Variants in TULP4 observed in about 807,000 individuals in gnomAD.
TULP4 encodes tubby-related protein 4.
In TULP4, 16 loss-of-function variants were observed where a neutral mutation model predicts 129.0. That is an observed-to-expected ratio of 0.12 (90% CI 0.08 to 0.19). The LOEUF (loss-of-function observed/expected upper bound fraction) is 0.19, where lower values mean the gene tolerates loss of function less well. Among genes scored for constraint, TULP4 ranks in the 10% least tolerant of loss-of-function variants. TULP4 has a pLI of 1.00. For missense variants in TULP4, 1,842 were observed against 2,059.1 expected (o/e 0.89, Z 2.04); for synonymous variants, 998 against 854.0 (o/e 1.17, Z -2.94).
chr6:158,327,352 TCAG>T (rs936135413), intron 1 of TULP4, among the ~76,000 whole-genome samples: 4 of 152,220 alleles, frequency 2.6e-5, no homozygotes, highest in African/African-American at 9.6e-5. Context: ...ACGATGCTCT[TCAG>T]TTCCAGGGCT....
At chr6:158,442,799 T>A (rs1371029510) in intron 3 of TULP4, among the ~76,000 whole-genome samples, 1 of 147,064 alleles carries the variant, frequency 6.8e-6, no homozygotes, top group African/African-American at 2.5e-5. Context: ...CTGGAGATAC[T>A]CCAATTAAAT....
chr6:158,331,369 A>G (rs1779874262), intron 1 of TULP4, among the ~76,000 whole-genome samples: 1 of 151,866 alleles, frequency 6.6e-6, no homozygotes, highest in Non-Finnish European at 1.5e-5. Context: ...TTTTTTCTTC[A>G]ATGATTATTT....
chr6:158,380,470 G>T (rs1052823799), intron 1 of TULP4, among the ~76,000 whole-genome samples: 1 of 152,212 alleles, frequency 6.6e-6, no homozygotes, highest in Non-Finnish European at 1.5e-5. Flanking sequence ...GGTTTTGTGT[G>T]TACTGAAGGG....
At chr6:158,268,028 CT>C (rs1369900655) in intron 1 of TULP4, among the ~76,000 whole-genome samples, 45 of 113,832 alleles carry the variant, frequency 4.0e-4, no homozygotes, top group Non-Finnish European at 6.8e-4. Context: ...TTTTCTTTTT[CT>C]TTTTTCTTTT....
intron 13 of TULP4, among the ~76,000 whole-genome samples, chr6:158,504,758 T>C (rs1375661684): frequency 6.6e-6 from 1 of 152,038 alleles, no homozygotes; most frequent in Non-Finnish European, 1.5e-5. Flanking sequence ...TCTCAAGATG[T>C]TGGGATTACA....
rs1301416975 is a variant in TULP4 at position 158,503,356 on chromosome 6, C to T, written c.3693C>T (p.Tyr1231=). Residue 1231 remains tyrosine, a synonymous_variant, in exon 13 of 14, where the codon TAC becomes TAT. Transcript: ENST00000367097. The surrounding 1 kb of genome is among the most constrained non-coding windows in gnomAD (Gnocchi z 4.3). ...QEPAVVLQPL[Y]PPSLSYCTLP... Reference sequence around the variant, plus strand: ...CTGCTGTGGTCCTTCAGCCGCTGTACCCACCCAGCCTCTCCTATTGCACCC... The same window carrying T: ...CTGCTGTGGTCCTTCAGCCGCTGTATCCACCCAGCCTCTCCTATTGCACCC... The T allele has an allele frequency of 6.2e-7, 1 of 1,613,728 alleles. No homozygotes were observed. The highest frequency in any genetic ancestry group is 1.1e-5 in the South Asian group (1 of 91,066).
In TULP4 at chr6:158,503,099, A is replaced by G. The variant is rs1780505948; in HGVS notation, c.3436A>G (p.Asn1146Asp). 2 of 1,612,868 alleles carry G rather than the reference A, an allele frequency of 1.2e-6. No individual in the cohort carries two copies. Among genetic ancestry groups the G allele is most frequent in the Non-Finnish European group, 1.7e-6 (2 of 1,178,984 alleles). ...QERTAQTSGP[N>D]PLKLSSLMLS... ...AAGGACAGCACAGACTTCAGGGCCC[A>G]ACCCCTTAAAACTGTCCTCTCTGAT... The change falls in exon 13 of 14, where the codon AAC becomes GAC. Residue 1146 changes from asparagine (N) to aspartate (D), a missense_variant. Physicochemically the swap from Asn to Asp is conservative, Grantham distance 23. This residue lies in a region of TULP4 where 1,089 missense variants were observed against 987.1 expected (regional missense o/e 1.10). Coordinates refer to ENST00000367097, the MANE Select transcript of TULP4 (RefSeq NM_020245.5). The surrounding 1 kb of genome is among the most constrained non-coding windows in gnomAD (Gnocchi z 4.3).
In TULP4 at chr6:158,493,761, G is replaced by C; in HGVS notation, c.1776+44G>C. ...CCTGCCTTGCTCCCCTCCTCCTGGG[G>C]GCTATGCCCAGAGGGCCCCTTCCTA... On this transcript the variant is annotated intron_variant, in intron 10 of 13. Coordinates refer to ENST00000367097, the MANE Select transcript of TULP4 (RefSeq NM_020245.5). This position sits in a 1 kb window ranked among gnomAD's most constrained non-coding sequence, Gnocchi z 4.4. 3 of 1,490,220 alleles carry C rather than the reference G, an allele frequency of 2.0e-6. No individual in the cohort carries two copies. The highest frequency in any genetic ancestry group is 2.7e-6 in the Non-Finnish European group (3 of 1,118,306). 92.3% of individuals were successfully genotyped at this position (1,490,220 alleles called of 1,614,324 possible).
At chr6:158,315,959 G>A (rs1469435043) in intron 1 of TULP4, among the ~76,000 whole-genome samples, 1 of 152,234 alleles carries the variant, frequency 6.6e-6, no homozygotes, top group Admixed American at 6.5e-5. Context: ...ATTTTGTGGG[G>A]ATGGAAACAT....
At chr6:158,277,833 A>G (rs533659633), upstream of TULP4, among the ~76,000 whole-genome samples, 66 of 152,328 alleles carry the variant, frequency 4.3e-4, no homozygotes, top group African/African-American at 1.4e-3. Context: ...AGTCCCAGGT[A>G]CCAGAGATAT....
Position 158,462,435 on chromosome 6 carries a change from G to A in TULP4, c.1026+706G>A, listed in dbSNP as rs939907569. 8.7e-5 allele frequency among the ~76,000 whole-genome samples: 13 copies of A among 148,694 alleles called. No individual in the cohort carries two copies. The South Asian group carries it at 1.3e-3, about 15-fold the overall frequency. ...CTCACCCAGGCTGGAGTGCCGTAGC[G>A]CATTCTTGGCTCACTGCAAGCTCTG... On this transcript the variant is annotated intron_variant, in intron 6 of 13. Transcript: ENST00000367097.
chr6:158,292,152 G>A (rs1778953715), intron 1 of TULP4, among the ~76,000 whole-genome samples: 1 of 152,198 alleles, frequency 6.6e-6, no homozygotes, highest in Non-Finnish European at 1.5e-5. Flanking sequence ...AGAATTGTGG[G>A]ACACTTTAGC....
chr6:158,424,197 C>T (rs1778421964), intron 2 of TULP4, among the ~76,000 whole-genome samples: 1 of 152,126 alleles, frequency 6.6e-6, no homozygotes, highest in East Asian at 1.9e-4. Context: ...CATGGAAGCA[C>T]ACGTATATGA....
intron 11 of TULP4, among the ~76,000 whole-genome samples, chr6:158,495,072 C>CT (rs963981700): frequency 3.3e-5 from 5 of 150,300 alleles, no homozygotes; most frequent in African/African-American, 7.3e-5. Flanking sequence ...AATCTTTTAA[C>CT]TTTTTTTTTG....
At chr6:158,360,774 C>G (rs1780767739) in intron 1 of TULP4, among the ~76,000 whole-genome samples, 1 of 152,124 alleles carries the variant, frequency 6.6e-6, no homozygotes, top group South Asian at 2.1e-4. Flanking sequence ...GAAACCCTAC[C>G]CAATAAAGAG....
intron 1 of TULP4, among the ~76,000 whole-genome samples, chr6:158,271,795 A>C (rs1441445377): frequency 6.6e-6 from 1 of 152,162 alleles, no homozygotes; most frequent in Non-Finnish European, 1.5e-5. Flanking sequence ...AGAAAAATAA[A>C]ATGTTCTGAG....
intron 1 of TULP4, among the ~76,000 whole-genome samples, chr6:158,323,689 A>G (rs1583747558): frequency 6.6e-6 from 1 of 152,222 alleles, no homozygotes; most frequent in South Asian, 2.1e-4. Context: ...ATAGGGACTG[A>G]GAAGCTCAGG....
chr6:158,234,392 G>A (rs1435163842), intron 1 of TULP4, among the ~76,000 whole-genome samples: 2 of 152,196 alleles, frequency 1.3e-5, no homozygotes, highest in Non-Finnish European at 2.9e-5. Flanking sequence ...CCCTCTCACT[G>A]GATAGTTTAT....
chr6:158,478,500 C>T (rs1205596475), intron 6 of TULP4, among the ~76,000 whole-genome samples: 7 of 152,172 alleles, frequency 4.6e-5, no homozygotes, highest in Non-Finnish European at 1.0e-4. Context: ...TAATAGGTCC[C>T]TTTGTGTGGG....
Sources: gnomAD v4.1 joint callset for allele counts (sites outside exome capture counted in the v4.1 genomes callset) on GRCh38, gnomAD v4.1.1 for gene constraint, gnomAD v4.1.1 regional missense constraint, Gnocchi (gnomAD v3.1) non-coding constraint, MANE v1.5 for transcripts, NCBI Gene and HGNC (gene_info 2026-07-23, HGNC 2026-07-21) for gene names.